The following SRPRA variants were observed in gnomAD, a reference collection of about 807,000 sequenced individuals.
SRPRA encodes the protein SRP receptor subunit alpha, also known as signal recognition particle receptor subunit alpha.
SRPRA carries 30 observed loss-of-function variants against 61.1 expected under a neutral mutation model. That is an observed-to-expected ratio of 0.49 (90% CI 0.37 to 0.67). The LOEUF (loss-of-function observed/expected upper bound fraction) is 0.67. SRPRA is among the 30% of genes least tolerant of loss of function. The probability of loss-of-function intolerance (pLI) is 0.00; values close to 1 mark genes in which losing one functional copy is unlikely to be tolerated. For missense variants in SRPRA, 759 were observed against 828.4 expected (o/e 0.92, Z 1.03); for synonymous variants, 324 against 299.7 (o/e 1.08, Z -0.84).
At chr11:126,256,290 TAAAG>T in the SRPRA span, among the ~76,000 whole-genome samples, 2 of 152,082 alleles carry the variant, frequency 1.3e-5, no homozygotes, top group Non-Finnish European at 1.5e-5. The surrounding 1 kb of genome is among the most constrained non-coding windows in gnomAD (Gnocchi z 6.6). Context: ...GCATAAAAAA[TAAAG>T]AAGTAAACTA....
the SRPRA span, among the ~76,000 whole-genome samples, chr11:126,255,548 C>T: frequency 9.2e-5 from 14 of 152,046 alleles, no homozygotes; most frequent in Non-Finnish European, 1.3e-4. The surrounding 1 kb of genome is among the most constrained non-coding windows in gnomAD (Gnocchi z 4.6). Flanking sequence ...TGAGCAAATC[C>T]GATGATGGAA....
At position 126,265,126 on chromosome 11, in the gene SRPRA, G is replaced by C; in HGVS notation, c.1358C>G (p.Ala453Gly). The C allele has an allele frequency of 6.2e-7, 1 of 1,614,206 alleles. No homozygotes were observed. Among genetic ancestry groups the C allele is most frequent in the South Asian group, 1.1e-5 (1 of 91,086 alleles). ...GGCCCCAGCACGAAATGTATCACAG[G>C]CAGCAATGAGGACACTGAAGCCATT... ...LENGFSVLIA[A>G]CDTFRAGAVE... Residue 453 changes from alanine (A) to glycine (G), a missense_variant, in exon 11 of 14, where the codon GCC becomes GGC. Ala to Gly is a moderately conservative substitution (Grantham distance 60). Transcript: ENST00000332118. The surrounding 1 kb of genome is among the most constrained non-coding windows in gnomAD (Gnocchi z 6.3).
chr11:126,247,768 G>T, the SRPRA span, among the ~76,000 whole-genome samples: 1 of 150,986 alleles, frequency 6.6e-6, no homozygotes, highest in African/African-American at 2.4e-5. Flanking sequence ...TGAGGCAGGG[G>T]AATTGCTTGA....
downstream of SRPRA, chr11:126,261,412 G>A (rs1010270217): frequency 3.7e-6 from 6 of 1,612,440 alleles, no homozygotes; most frequent in Non-Finnish European, 5.1e-6. Flanking sequence ...TGATGCTGAT[G>A]TCCTCTATTT....
the SRPRA span, among the ~76,000 whole-genome samples, chr11:126,248,358 C>CTTTATTTTTT: frequency 2.7e-5 from 1 of 36,966 alleles, no homozygotes; most frequent in African/African-American, 1.2e-4. Flanking sequence ...TAGTAGTTGA[C>CTTTATTTTTT]TTTTTTTTTT....
the SRPRA span, among the ~76,000 whole-genome samples, chr11:126,244,578 C>T: frequency 7.9e-5 from 12 of 152,202 alleles, no homozygotes; most frequent in Middle Eastern, 3.4e-3. The surrounding 1 kb of genome is among the most constrained non-coding windows in gnomAD (Gnocchi z 4.5). Context: ...CCGAGGTGGG[C>T]GGATCACCTG....
Position 126,267,029 on chromosome 11 carries a change from T to TG in SRPRA, c.527-108dup. 2 of 1,530,774 alleles carry TG rather than the reference T, an allele frequency of 1.3e-6. No individual in the cohort carries two copies. Among genetic ancestry groups the TG allele is most frequent in the Non-Finnish European group, 8.8e-7 (1 of 1,138,704 alleles). The allele number at this position is 1,530,774 out of a possible 1,614,324, so 94.8% of individuals were successfully genotyped here. On this transcript the variant is annotated intron_variant, in intron 4 of 13. Transcript: ENST00000332118. The surrounding 1 kb of genome is among the most constrained non-coding windows in gnomAD (Gnocchi z 4.2). ...CAAAGGAAATTTGGACCAAACATCT[T>TG]GGAGTTCATAAGGCCTGGGGATTAT...
the SRPRA span, chr11:126,250,551 G>T: frequency 6.2e-7 from 1 of 1,614,086 alleles, no homozygotes; most frequent in Non-Finnish European, 8.5e-7. The surrounding 1 kb of genome is among the most constrained non-coding windows in gnomAD (Gnocchi z 5.1). Flanking sequence ...CTGTTTATAT[G>T]AAGTATTTGA....
the SRPRA span, among the ~76,000 whole-genome samples, chr11:126,239,723 A>G: frequency 6.6e-6 from 1 of 152,184 alleles, no homozygotes; most frequent in African/African-American, 2.4e-5. Context: ...CATGTTGGCC[A>G]GGCTGGTCTT....
the SRPRA span, among the ~76,000 whole-genome samples, chr11:126,246,189 A>T: frequency 6.6e-6 from 1 of 152,258 alleles, no homozygotes; most frequent in Non-Finnish European, 1.5e-5. Context: ...GGTGAGATAG[A>T]AGTATTGCGA....
At chr11:126,243,120 G>C in the SRPRA span, among the ~76,000 whole-genome samples, 2 of 152,208 alleles carry the variant, frequency 1.3e-5, no homozygotes, top group Non-Finnish European at 2.9e-5. Flanking sequence ...TATATTGTAT[G>C]ATTCCATTCA....
Position 126,264,779 on chromosome 11 carries a change from C to T in SRPRA, c.1525+180G>A. On this transcript the variant is annotated intron_variant, in intron 11 of 13. Coordinates refer to ENST00000332118, the MANE Select transcript of SRPRA (RefSeq NM_003139.4). The surrounding 1 kb of genome is among the most constrained non-coding windows in gnomAD (Gnocchi z 5.0). ...GGTTTCTCTGGTTAAGGTATATTAG[C>T]TTTGCCTGCAACTACATCTGTTATC... 2.6e-6 allele frequency: 2 copies of T among 768,264 alleles called. No individual in the cohort carries two copies. Among genetic ancestry groups the T allele is most frequent in the Non-Finnish European group, 4.1e-6 (2 of 490,124 alleles). The allele number at this position is 768,264 out of a possible 1,614,324, so 47.6% of individuals were successfully genotyped here.
chr11:126,255,011 A>G, the SRPRA span, among the ~76,000 whole-genome samples: 1 of 152,264 alleles, frequency 6.6e-6, no homozygotes, highest in East Asian at 1.9e-4. The surrounding 1 kb of genome is among the most constrained non-coding windows in gnomAD (Gnocchi z 4.6). Context: ...TACAAAGGAT[A>G]CATTAGTACC....
At chr11:126,242,355 C>T in the SRPRA span, among the ~76,000 whole-genome samples, 1 of 151,848 alleles carries the variant, frequency 6.6e-6, no homozygotes, top group African/African-American at 2.4e-5. Context: ...TTTGGGAGGC[C>T]AAGGCAGGAG....
At position 126,268,869 on chromosome 11, in the gene SRPRA, T is replaced by C; in HGVS notation, c.-65A>G. On this transcript the variant is annotated 5_prime_UTR_variant, in exon 1 of 14. Coordinates refer to ENST00000332118, the MANE Select transcript of SRPRA (RefSeq NM_003139.4). ...TCAGGCCGCGTTCGCCGCCGCTTCC[T>C]GCTGCGCCAAGCGCGGGACACGTCA... The C allele has an allele frequency of 5.1e-6, 7 of 1,364,866 alleles. No homozygotes were observed. The South Asian group carries it at 5.9e-5, about 12-fold the overall frequency. The allele number at this position is 1,364,866 out of a possible 1,614,324, so 84.5% of individuals were successfully genotyped here. A position where few individuals can be genotyped will look rare whatever the true frequency, so the allele number is the denominator to read the frequency against.
the SRPRA span, among the ~76,000 whole-genome samples, chr11:126,244,613 G>C: frequency 6.6e-6 from 1 of 152,158 alleles, no homozygotes; most frequent in Non-Finnish European, 1.5e-5. This position sits in a 1 kb window ranked among gnomAD's most constrained non-coding sequence, Gnocchi z 4.5. Flanking sequence ...AGACCAGCCT[G>C]GCCAACATGG....
In SRPRA at chr11:126,264,303, G is replaced by A. The variant is rs1950761537; in HGVS notation, c.1690-14C>T. 2 of 1,613,464 alleles carry A rather than the reference G, an allele frequency of 1.2e-6. No homozygotes were observed. The highest frequency in any genetic ancestry group is 2.7e-5 in the African/African-American group (2 of 74,902). On this transcript the variant is annotated splice_polypyrimidine_tract_variant and intron_variant, in intron 12 of 13. Coordinates refer to ENST00000332118, the MANE Select transcript of SRPRA (RefSeq NM_003139.4). The surrounding 1 kb of genome is among the most constrained non-coding windows in gnomAD (Gnocchi z 5.0). Reference sequence around the variant, plus strand: ...GTTGAACTTGACCTGGAAAGAAAAAGTGATAGAAGTGTAAGAACCATCTAA... The same window carrying A: ...GTTGAACTTGACCTGGAAAGAAAAAATGATAGAAGTGTAAGAACCATCTAA...
At position 126,264,223 on chromosome 11, in the gene SRPRA, C is replaced by A; in HGVS notation, c.1756G>T (p.Val586Phe). ...AQTPRLIDGI[V>F]LTKFDTIDDK... ...TCAATGGTATCAAATTTGGTAAGAA[C>A]AATGCCATCAATGAGCCGAGGTGTC... The change falls in exon 13 of 14, where the codon GTT becomes TTT. Residue 586 changes from valine to phenylalanine, a missense_variant. By Grantham distance (50) the Val-to-Phe change is conservative. This residue lies in a region of SRPRA where 284 missense variants were observed against 365.9 expected (regional missense o/e 0.78). Coordinates refer to ENST00000332118, the MANE Select transcript of SRPRA (RefSeq NM_003139.4). This position sits in a 1 kb window ranked among gnomAD's most constrained non-coding sequence, Gnocchi z 5.0. The A allele has an allele frequency of 6.2e-7, 1 of 1,614,120 alleles. No individual in the cohort carries two copies. Among genetic ancestry groups the A allele is most frequent in the Non-Finnish European group, 8.5e-7 (1 of 1,180,018 alleles).
At position 126,264,244 on chromosome 11, in the gene SRPRA, G is replaced by A. The variant is rs1950760537; in HGVS notation, c.1735C>T (p.Pro579Ser). 8 of 1,614,010 alleles carry A rather than the reference G, an allele frequency of 5.0e-6. No individual in the cohort carries two copies. Among genetic ancestry groups the A allele is most frequent in the South Asian group, 1.1e-5 (1 of 91,088 alleles). The stretch of plus-strand genomic sequence containing the variant: ...AGAACAATGCCATCAATGAGCCGAG[G>A]TGTCTGAGCCATAGAATGGTCAGCC... ...ALADHSMAQT[P>S]RLIDGIVLTK... The change falls in exon 13 of 14, where the codon CCT becomes TCT. Residue 579 changes from proline (P) to serine (S), a missense_variant. This residue lies in a region of SRPRA where 284 missense variants were observed against 365.9 expected (regional missense o/e 0.78). Transcript: ENST00000332118. This position sits in a 1 kb window ranked among gnomAD's most constrained non-coding sequence, Gnocchi z 5.0.
Sources: gnomAD v4.1 joint callset for allele counts (sites outside exome capture counted in the v4.1 genomes callset) on GRCh38, gnomAD v4.1.1 for gene constraint, gnomAD v4.1.1 regional missense constraint, Gnocchi (gnomAD v3.1) non-coding constraint, MANE v1.5 for transcripts, NCBI Gene and HGNC (gene_info 2026-07-23, HGNC 2026-07-21) for gene names.